Variants in ZNF475 observed in about 807,000 individuals in gnomAD.
ZNF475 encodes the protein zinc finger protein 475.
the ZNF475 span, among the ~76,000 whole-genome samples, chr5:122,162,748 A>G: frequency 6.6e-6 from 1 of 152,204 alleles, no homozygotes; most frequent in African/African-American, 2.4e-5. Context: ...AGATAATTTT[A>G]TAAACTTAAC....
chr5:122,176,658 C>T, the ZNF475 span, among the ~76,000 whole-genome samples: 1 of 152,116 alleles, frequency 6.6e-6, no homozygotes, highest in Non-Finnish European at 1.5e-5. Context: ...TCCCTGCATG[C>T]CTGCACCTTA....
chr5:122,173,725 G>A, the ZNF475 span, among the ~76,000 whole-genome samples: 1 of 152,180 alleles, frequency 6.6e-6, no homozygotes, highest in Non-Finnish European at 1.5e-5. Flanking sequence ...ATGTTCAAGT[G>A]CCTGTCTGTA....
the ZNF475 span, among the ~76,000 whole-genome samples, chr5:122,165,786 C>A: frequency 6.6e-6 from 1 of 150,702 alleles, no homozygotes; most frequent in Non-Finnish European, 1.5e-5. Context: ...GACCATTAAA[C>A]TTTCTGCATT....
chr5:122,178,973 T>A, the ZNF475 span, among the ~76,000 whole-genome samples: 1 of 152,126 alleles, frequency 6.6e-6, no homozygotes, highest in Non-Finnish European at 1.5e-5. Context: ...GTTTTCCCAA[T>A]ATCATTTATT....
the ZNF475 span, chr5:122,160,327 A>G: frequency 8.3e-7 from 1 of 1,201,944 alleles, no homozygotes; most frequent in Non-Finnish European, 1.1e-6. Flanking sequence ...ATTTGTGTAT[A>G]TGTATTACAT....
the ZNF475 span, among the ~76,000 whole-genome samples, chr5:122,181,986 T>A: frequency 2.0e-4 from 30 of 152,338 alleles, no homozygotes; most frequent in East Asian, 5.2e-3. Flanking sequence ...TAGGATATAA[T>A]TCATCTTAAA....
the ZNF475 span, chr5:122,160,244 G>C: frequency 7.8e-7 from 1 of 1,289,668 alleles, no homozygotes; most frequent in Non-Finnish European, 1.0e-6. Flanking sequence ...CTCTCACATC[G>C]ACAGACCACA....
chr5:122,177,482 A>G, the ZNF475 span, among the ~76,000 whole-genome samples: 1 of 152,236 alleles, frequency 6.6e-6, no homozygotes, highest in Non-Finnish European at 1.5e-5. Flanking sequence ...GAAGGCAATC[A>G]ATCAATATTA....
chr5:122,166,563 A>G, the ZNF475 span, among the ~76,000 whole-genome samples: 3 of 152,128 alleles, frequency 2.0e-5, no homozygotes, highest in Non-Finnish European at 4.4e-5. Flanking sequence ...TCATTGTTCA[A>G]TTCCCACCTA....
the ZNF475 span, among the ~76,000 whole-genome samples, chr5:122,164,484 G>A: frequency 6.6e-6 from 1 of 152,124 alleles, no homozygotes; most frequent in African/African-American, 2.4e-5. Context: ...ACCTATGCCT[G>A]GGCCAGGAGA....
chr5:122,165,419 T>G, the ZNF475 span, among the ~76,000 whole-genome samples: 3 of 152,238 alleles, frequency 2.0e-5, no homozygotes, highest in Admixed American at 6.5e-5. Flanking sequence ...CTAGGCCCAG[T>G]TGTGAGACAG....
the ZNF475 span, among the ~76,000 whole-genome samples, chr5:122,181,849 C>T: frequency 6.6e-6 from 1 of 152,168 alleles, no homozygotes; most frequent in East Asian, 1.9e-4. Flanking sequence ...GAAGGTTATA[C>T]ATTTCTCATC....
At chr5:122,172,533 A>T in the ZNF475 span, among the ~76,000 whole-genome samples, 1 of 152,200 alleles carries the variant, frequency 6.6e-6, no homozygotes, top group Non-Finnish European at 1.5e-5. Context: ...ACAGTTCTGT[A>T]TACATATGCA....
the ZNF475 span, among the ~76,000 whole-genome samples, chr5:122,174,237 C>A: frequency 2.6e-5 from 4 of 152,120 alleles, no homozygotes; most frequent in East Asian, 7.7e-4. Flanking sequence ...GAAAAAGGCC[C>A]AATAGGAAAA....
chr5:122,167,395 T>A, the ZNF475 span, among the ~76,000 whole-genome samples: 1 of 152,262 alleles, frequency 6.6e-6, no homozygotes, highest in African/African-American at 2.4e-5. Flanking sequence ...TAGGTCTTTT[T>A]ATTTGTTTTC....
chr5:122,164,839 T>G, the ZNF475 span, among the ~76,000 whole-genome samples: 14 of 152,280 alleles, frequency 9.2e-5, no homozygotes, highest in African/African-American at 3.1e-4. Context: ...TCACCCTGCC[T>G]CTGTATCTTG....
the ZNF475 span, among the ~76,000 whole-genome samples, chr5:122,177,026 G>C: frequency 1.3e-5 from 2 of 152,158 alleles, no homozygotes; most frequent in African/African-American, 4.8e-5. Flanking sequence ...GTTTATTTGG[G>C]AGGTGATCTC....
chr5:122,180,816 C>G, the ZNF475 span, among the ~76,000 whole-genome samples: 1 of 152,152 alleles, frequency 6.6e-6, no homozygotes, highest in Non-Finnish European at 1.5e-5. Context: ...CTAGATCCTG[C>G]TAGATCCCAG....
At chr5:122,166,758 T>C in the ZNF475 span, among the ~76,000 whole-genome samples, 6 of 152,238 alleles carry the variant, frequency 3.9e-5, no homozygotes, top group Admixed American at 3.9e-4. Context: ...TTTGGGTTGG[T>C]TCCAAGTCTT....
Sources: gnomAD v4.1 joint callset for allele counts (sites outside exome capture counted in the v4.1 genomes callset) on GRCh38, gnomAD v4.1.1 for gene constraint, MANE v1.5 for transcripts, NCBI Gene and HGNC (gene_info 2026-07-23, HGNC 2026-07-21) for gene names.